Variants in CFAP95 observed in about 807,000 individuals in gnomAD.
CFAP95 encodes cilia and flagella associated protein 95, also known as cilia- and flagella-associated protein 95.
At chr9:69,880,090 T>C in the CFAP95 span, among the ~76,000 whole-genome samples, 1 of 152,166 alleles carries the variant, frequency 6.6e-6, no homozygotes, top group Non-Finnish European at 1.5e-5. Flanking sequence ...AATCACATCA[T>C]GAAAAACTGG....
At chr9:69,892,139 G>A in the CFAP95 span, among the ~76,000 whole-genome samples, 4 of 152,068 alleles carry the variant, frequency 2.6e-5, no homozygotes, top group East Asian at 5.8e-4. Context: ...ATCTTTTTTA[G>A]CATGTAATTC....
the CFAP95 span, among the ~76,000 whole-genome samples, chr9:69,899,516 T>C: frequency 2.0e-5 from 3 of 152,310 alleles, no homozygotes; most frequent in African/African-American, 4.8e-5. Context: ...TCCTCTCCCA[T>C]CCTGTGTGTG....
At chr9:69,884,941 A>C in the CFAP95 span, 24 of 152,140 alleles carry the variant, frequency 1.6e-4, no homozygotes, top group Non-Finnish European at 2.6e-4. Context: ...TCTAGTGTAC[A>C]TCAGAATCAC....
At chr9:69,869,924 C>A in the CFAP95 span, among the ~76,000 whole-genome samples, 4 of 152,072 alleles carry the variant, frequency 2.6e-5, no homozygotes, top group Non-Finnish European at 5.9e-5. Flanking sequence ...GTTATAATTA[C>A]TTAAAATGAA....
the CFAP95 span, among the ~76,000 whole-genome samples, chr9:69,867,669 C>T: frequency 6.6e-6 from 1 of 152,194 alleles, no homozygotes; most frequent in African/African-American, 2.4e-5. Context: ...CTTCTGATTA[C>T]AGACATTAAG....
chr9:69,892,465 A>C, the CFAP95 span, among the ~76,000 whole-genome samples: 1 of 152,176 alleles, frequency 6.6e-6, no homozygotes, highest in African/African-American at 2.4e-5. Flanking sequence ...TTGTTTAATG[A>C]GGCTCTTTCA....
the CFAP95 span, among the ~76,000 whole-genome samples, chr9:69,832,619 G>GTTTTTTTTTTTTT: frequency 7.1e-5 from 1 of 14,118 alleles, no homozygotes. Context: ...AGTCTATTCG[G>GTTTTTTTTTTTTT]ATTTTTTTTT....
At chr9:69,857,293 C>T in the CFAP95 span, among the ~76,000 whole-genome samples, 2 of 152,262 alleles carry the variant, frequency 1.3e-5, no homozygotes, top group Admixed American at 6.5e-5. Context: ...ACTCTTTATT[C>T]ATCATAGTTG....
At chr9:69,842,889 G>A in the CFAP95 span, among the ~76,000 whole-genome samples, 2 of 152,312 alleles carry the variant, frequency 1.3e-5, no homozygotes, top group Admixed American at 1.3e-4. Context: ...TTGCTGCTGG[G>A]TTCTACTGCA....
the CFAP95 span, among the ~76,000 whole-genome samples, chr9:69,824,027 C>A: frequency 6.6e-6 from 1 of 152,106 alleles, no homozygotes; most frequent in Non-Finnish European, 1.5e-5. Flanking sequence ...GGCTCAGAGG[C>A]CTGACAGTTA....
the CFAP95 span, among the ~76,000 whole-genome samples, chr9:69,855,232 C>T: frequency 6.6e-6 from 1 of 152,144 alleles, no homozygotes; most frequent in Non-Finnish European, 1.5e-5. Context: ...CCTTTTACTC[C>T]TCTATTTTAT....
At chr9:69,832,277 A>G in the CFAP95 span, among the ~76,000 whole-genome samples, 2 of 149,600 alleles carry the variant, frequency 1.3e-5, no homozygotes, top group Non-Finnish European at 3.0e-5. Flanking sequence ...TTATGTCATT[A>G]TTAGAAAAAT....
At chr9:69,847,368 A>C in the CFAP95 span, among the ~76,000 whole-genome samples, 1 of 152,196 alleles carries the variant, frequency 6.6e-6, no homozygotes, top group Non-Finnish European at 1.5e-5. Context: ...AGTGAAGCTT[A>C]ATCACTGGTG....
the CFAP95 span, among the ~76,000 whole-genome samples, chr9:69,837,246 A>C: frequency 1.3e-5 from 2 of 152,206 alleles, no homozygotes; most frequent in East Asian, 3.8e-4. Context: ...GTATATACCC[A>C]GTAATGGGAT....
chr9:69,887,460 A>G, the CFAP95 span, among the ~76,000 whole-genome samples: 39 of 152,262 alleles, frequency 2.6e-4, no homozygotes, highest in African/African-American at 9.4e-4. Context: ...TAGTATAATT[A>G]TCTATTCAGG....
the CFAP95 span, among the ~76,000 whole-genome samples, chr9:69,897,733 A>G: frequency 1.3e-5 from 2 of 152,112 alleles, no homozygotes; most frequent in Non-Finnish European, 2.9e-5. Context: ...ACAAGGGGCA[A>G]TGGGGGTGGA....
chr9:69,861,658 T>C, the CFAP95 span, among the ~76,000 whole-genome samples: 1 of 149,868 alleles, frequency 6.7e-6, no homozygotes, highest in African/African-American at 2.5e-5. Flanking sequence ...AGGCACCACA[T>C]GTCAGTCTTC....
At chr9:69,889,292 T>A in the CFAP95 span, among the ~76,000 whole-genome samples, 1 of 152,234 alleles carries the variant, frequency 6.6e-6, no homozygotes, top group African/African-American at 2.4e-5. Context: ...GACCTGGCAT[T>A]GCTTAACTTG....
chr9:69,845,792 G>T, the CFAP95 span, among the ~76,000 whole-genome samples: 10 of 152,102 alleles, frequency 6.6e-5, no homozygotes, highest in African/African-American at 2.4e-4. Context: ...AGTCTCTTTG[G>T]CATCTCTATT....
Sources: allele counts gnomAD v4.1 joint callset (sites outside exome capture counted in the v4.1 genomes callset), GRCh38; gene constraint gnomAD v4.1.1; transcripts MANE v1.5; gene names NCBI Gene and HGNC (gene_info 2026-07-23, HGNC 2026-07-21).